The following SF3A1 variants were observed in gnomAD, a reference collection of about 807,000 sequenced individuals.
SF3A1 encodes the protein splicing factor 3a subunit 1.
SF3A1 carries 13 observed loss-of-function variants against 89.9 expected under a neutral mutation model. That is an observed-to-expected ratio of 0.14 (90% CI 0.09 to 0.23). The LOEUF (loss-of-function observed/expected upper bound fraction) is 0.23. SF3A1 is among the 10% of genes least tolerant of loss of function. The probability of loss-of-function intolerance (pLI) is 1.00; values close to 1 mark genes in which losing one functional copy is unlikely to be tolerated. For missense variants in SF3A1, 604 were observed against 1,022.1 expected (o/e 0.59, Z 5.58); for synonymous variants, 405 against 374.4 (o/e 1.08, Z -0.94).
intron 9 of SF3A1, 62 bp from the exon 10 acceptor site, chr22:30,339,313 A>C: frequency 6.3e-7 from 1 of 1,599,284 alleles, no homozygotes; most frequent in South Asian, 1.1e-5. Flanking sequence ...TGTCCTGACA[A>C]GAGAGCAGCT....
At chr22:30,343,243 C>A (rs1296192803) in intron 4 of SF3A1, among the ~76,000 whole-genome samples, 5 of 152,174 alleles carry the variant, frequency 3.3e-5, no homozygotes, top group Admixed American at 6.5e-5. Flanking sequence ...GCAGGTCCCC[C>A]CTGACTATCC....
chr22:30,341,091 G>A (rs1265184157), intron 7 of SF3A1, among the ~76,000 whole-genome samples: 1 of 151,634 alleles, frequency 6.6e-6, no homozygotes, highest in East Asian at 1.9e-4. Flanking sequence ...TAACATGCCG[G>A]GGGGGGACAG....
intron 5 of SF3A1, 195 bp from the exon 6 acceptor site, chr22:30,342,545 C>G (rs1321194953): frequency 6.0e-6 from 4 of 662,968 alleles, no homozygotes; most frequent in Non-Finnish European, 1.0e-5. Context: ...ACCCTCTGAT[C>G]TGCTTGGGAG....
chr22:30,337,173 C>A lies in SF3A1; in HGVS notation c.1959G>T (p.Val653=). Residue 653 remains valine (V), a synonymous_variant, in exon 13 of 16, where the codon GTG becomes GTT. Transcript: ENST00000215793. ...PPPMIVPTAF[V]PAPPVAPVPA... is the part of the protein sequence containing the mutation. ...GGACAGGTGCCACAGGTGGAGCAGG[C>A]ACAAAGGCTGCAAAGACAAGAATAA... 1.2e-6 allele frequency: 2 copies of A among 1,609,364 alleles called. No homozygotes were observed. Among genetic ancestry groups the A allele is most frequent in the Non-Finnish European group, 1.7e-6 (2 of 1,177,700 alleles).
chr22:30,335,572 G>C, intron 14 of SF3A1, 34 bp from the exon 15 acceptor site: 1 of 1,613,098 alleles, frequency 6.2e-7, no homozygotes, highest in Non-Finnish European at 8.5e-7. Context: ...TCAACTCCTT[G>C]GTAAGGCCAG....
chr22:30,335,437 A>G (rs1931035365), intron 15 of SF3A1, 30 bp downstream of exon 15: 2 of 1,596,638 alleles, frequency 1.3e-6, no homozygotes, highest in African/African-American at 2.7e-5. Flanking sequence ...TCAGGACCCA[A>G]GGGACAGGTC....
At chr22:30,356,629 C>T (rs1931862178) in intron 1 of SF3A1, 101 bp downstream of exon 1, 4 of 897,074 alleles carry the variant, frequency 4.5e-6, no homozygotes, top group Non-Finnish European at 6.1e-6. Context: ...GACTTGCAGT[C>T]CCTCCAAGCC....
Position 30,342,836 on chromosome 22 carries a change from T to A in SF3A1, c.695A>T (p.Glu232Val). Residue 232 changes from glutamate to valine, a missense_variant, in exon 5 of 16, where the codon GAG becomes GTG. By Grantham distance (121) the Glu-to-Val change is moderately radical (BLOSUM62 -2). Transcript: ENST00000215793. ...CAAAACTTCTCGGGGGTTTTCAGCCTCTTTCTTGAGCTTTGAAAATAAACC... is the reference window on the plus strand; with the variant it reads ...CAAAACTTCTCGGGGGTTTTCAGCCACTTTCTTGAGCTTTGAAAATAAACC... The part of the protein sequence containing the change: ...PKGLFSKLKK[E>V]AENPREVLDQ... The A allele has an allele frequency of 6.2e-7, 1 of 1,612,952 alleles. No homozygotes were observed. Among genetic ancestry groups the A allele is most frequent in the Non-Finnish European group, 8.5e-7 (1 of 1,179,378 alleles).
intron 6 of SF3A1, 114 bp from the exon 7 acceptor site, chr22:30,341,999 G>T: frequency 8.3e-7 from 1 of 1,208,900 alleles, no homozygotes; most frequent in Non-Finnish European, 1.2e-6. Flanking sequence ...TATCTCCAGA[G>T]GCCCATCTAG....
In SF3A1 at chr22:30,340,187, C is replaced by T. The variant is rs201999590; in HGVS notation, c.1375+9G>A. The T allele has an allele frequency of 2.5e-4, 374 of 1,501,654 alleles. No homozygotes were observed. The highest frequency in any genetic ancestry group is 4.2e-4 in the Admixed American group (16 of 37,866). The allele number at this position is 1,501,654 out of a possible 1,614,324, so 93.0% of individuals were successfully genotyped here. A position where few individuals can be genotyped will look rare whatever the true frequency, so the allele number is the denominator to read the frequency against. The stretch of plus-strand genomic sequence containing the variant: ...ACTACCATGGGCTCTCCTGGAACCC[C>T]CACCTCACCTGGTGCGTACACCTCA... On this transcript the variant is annotated intron_variant, in intron 9 of 15. Transcript: ENST00000215793.
rs762438775 is a variant in SF3A1 at position 30,342,255 on chromosome 22, G to T, written c.822C>A (p.Ile274=). ...CCACCACCACAAAATCATGCCAGTC[G>T]ATCTGAGCATAGGCCACCCGCTCCT... ...KEKERVAYAQ[I]DWHDFVVVET... is the part of the protein sequence containing the mutation. The change falls in exon 6 of 16, where the codon ATC becomes ATA. Residue 274 remains isoleucine, a synonymous_variant. Transcript: ENST00000215793. 5 of 1,613,996 alleles carry T rather than the reference G, an allele frequency of 3.1e-6. No homozygotes were observed. Among genetic ancestry groups the T allele is most frequent in the Admixed American group, 1.7e-5 (1 of 60,002 alleles).
chr22:30,338,046 C>A (rs1245437955), intron 11 of SF3A1, 149 bp from the exon 12 acceptor site: 4 of 700,104 alleles, frequency 5.7e-6, no homozygotes, highest in African/African-American at 3.5e-5. Flanking sequence ...GTGGCCTACA[C>A]TGGGCGTCCA....
intron 12 of SF3A1, 90 bp from the exon 13 acceptor site, chr22:30,337,270 G>A (rs997289801): frequency 3.2e-6 from 4 of 1,264,604 alleles, no homozygotes; most frequent in Admixed American, 5.3e-5. Flanking sequence ...AGGTTGCAAA[G>A]GTTTCCTCTA....
At chr22:30,342,670 T>C (rs1931297746) in intron 5 of SF3A1, 135 bp downstream of exon 5, 1 of 690,570 alleles carries the variant, frequency 1.4e-6, no homozygotes. Context: ...TCTTTGGCCT[T>C]TGTAGCCAAC....
At chr22:30,341,301 G>C (rs957831188) in intron 7 of SF3A1, among the ~76,000 whole-genome samples, 1 of 152,206 alleles carries the variant, frequency 6.6e-6, no homozygotes, top group Admixed American at 6.5e-5. Context: ...CTGGCTTGAA[G>C]GGGGTAGGGA....
At chr22:30,335,394 A>G (rs1931033555) in intron 15 of SF3A1, 73 bp downstream of exon 15, 1 of 1,299,082 alleles carries the variant, frequency 7.7e-7, no homozygotes, top group Non-Finnish European at 1.1e-6. Context: ...TTTAGCTTCC[A>G]TGACAGATTT....
At chr22:30,340,104 G>T in intron 9 of SF3A1, 92 bp downstream of exon 9, 1 of 1,183,084 alleles carries the variant, frequency 8.5e-7, no homozygotes, top group South Asian at 1.8e-5. Context: ...AAAAGCTTTT[G>T]TTGACCTCAA....
In SF3A1 at chr22:30,340,961, G is replaced by A. The variant is rs529613203; in HGVS notation, c.1072-149C>T. ...CCTCCCAGGGCAGCTGAGGCCAGCC[G>A]GCAGCAGGCCAAGCTGCTTCCTCAC... On this transcript the variant is annotated intron_variant, in intron 7 of 15. Coordinates refer to ENST00000215793, the MANE Select transcript of SF3A1 (RefSeq NM_005877.6). The A allele has an allele frequency of 6.7e-4, 403 of 601,692 alleles. 1 individual carries two copies. The African/African-American group carries it at 6.9e-3, about 10-fold the overall frequency. The allele number at this position is 601,692 out of a possible 1,614,324, so 37.3% of individuals were successfully genotyped here.
chr22:30,345,504 A>G (rs1406645006), intron 3 of SF3A1, among the ~76,000 whole-genome samples: 2 of 152,222 alleles, frequency 1.3e-5, no homozygotes, highest in Non-Finnish European at 2.9e-5. Context: ...AGGACTTATT[A>G]AATCCCATCC....
Sources: allele counts gnomAD v4.1 joint callset (sites outside exome capture counted in the v4.1 genomes callset), GRCh38; gene constraint gnomAD v4.1.1; transcripts MANE v1.5; gene names NCBI Gene and HGNC (gene_info 2026-07-23, HGNC 2026-07-21).